The following PATJ variants were observed in gnomAD, a reference collection of about 807,000 sequenced individuals.
The protein encoded by PATJ is inaD-like protein.
Under a neutral mutation model 224.9 loss-of-function variants are expected in PATJ, and 190 were observed. That is an observed-to-expected ratio of 0.84 (90% confidence interval 0.75 to 0.95). The LOEUF is 0.95. Among genes scored for constraint, PATJ ranks in the 40% least tolerant of loss-of-function variants. The probability of loss-of-function intolerance (pLI) is 0.00; values close to 1 mark genes in which losing one functional copy is unlikely to be tolerated. For synonymous variants in PATJ, 769 were observed against 820.3 expected (o/e 0.94, Z 1.07); for missense variants, 2,121 against 2,270.3 (o/e 0.93, Z 1.34).
intron 15 of PATJ, among the ~76,000 whole-genome samples, chr1:61,824,532 C>A (rs1451941759): frequency 2.7e-5 from 4 of 150,136 alleles, no homozygotes; most frequent in African/African-American, 9.8e-5. Context: ...CTCAAGCAAT[C>A]TTCCCACCTC....
chr1:61,792,296 G>A (rs1264073805), intron 9 of PATJ, among the ~76,000 whole-genome samples: 2 of 152,060 alleles, frequency 1.3e-5, no homozygotes, highest in Non-Finnish European at 2.9e-5. Context: ...TTTAGGTTCA[G>A]AATTTAATGA....
At chr1:61,753,513 C>A (rs1486113317) in intron 1 of PATJ, among the ~76,000 whole-genome samples, 1 of 62,966 alleles carries the variant, frequency 1.6e-5, no homozygotes, top group Non-Finnish European at 3.0e-5. Context: ...GATTCTATTA[C>A]ATATTTTTTT....
intron 28 of PATJ, among the ~76,000 whole-genome samples, chr1:62,002,974 A>G (rs1313418937): frequency 6.6e-6 from 1 of 152,184 alleles, no homozygotes; most frequent in East Asian, 1.9e-4. Context: ...CTGGTAGCAT[A>G]TATCAATGTT....
intron 18 of PATJ, among the ~76,000 whole-genome samples, chr1:61,857,620 A>G (rs1026383411): frequency 6.6e-6 from 1 of 152,250 alleles, no homozygotes; most frequent in African/African-American, 2.4e-5. Context: ...GCTATGAGTT[A>G]GCCCAGTAGG....
chr1:61,950,161 G>A (rs1280688799), intron 27 of PATJ, among the ~76,000 whole-genome samples: 2 of 151,076 alleles, frequency 1.3e-5, no homozygotes, highest in Admixed American at 1.3e-4. Flanking sequence ...CCGAGATCAC[G>A]CTGCTGCACT....
rs1326499132 is a variant in PATJ at position 61,874,188 on chromosome 1, A to G, written c.2836-1055A>G. Among the ~76,000 whole-genome samples the G allele has an allele frequency of 4.2e-4, 26 of 61,492 alleles. No homozygotes were observed. In the South Asian group the frequency reaches 8.2e-3, roughly 19 times the overall value. 40.3% of individuals were successfully genotyped at this position (61,492 alleles called of 152,430 possible). ...TTGGGCCTATTTTATTTATTTATTT[A>G]TTTATTTATTTATTTATTTATTTAT... On this transcript the variant is annotated intron_variant, in intron 20 of 43. Coordinates refer to ENST00000642238, the MANE Select transcript of PATJ (RefSeq NM_001350145.3).
chr1:61,993,725 G>C (rs566277664), intron 28 of PATJ, among the ~76,000 whole-genome samples: 1 of 152,148 alleles, frequency 6.6e-6, no homozygotes, highest in Non-Finnish European at 1.5e-5. Flanking sequence ...CTCTGTGCCA[G>C]AAACTGCAAG....
intron 22 of PATJ, among the ~76,000 whole-genome samples, chr1:61,897,262 A>G (rs1670506481): frequency 6.6e-6 from 1 of 152,212 alleles, no homozygotes; most frequent in Admixed American, 6.5e-5. Context: ...TGCAAAGAAC[A>G]AGCAAGTGAT....
At chr1:61,806,406 T>G (rs939523962) in intron 13 of PATJ, among the ~76,000 whole-genome samples, 1 of 151,640 alleles carries the variant, frequency 6.6e-6, no homozygotes, top group Non-Finnish European at 1.5e-5. Flanking sequence ...GATCACGAGG[T>G]CAGGAGATCG....
At chr1:61,804,699 A>G (rs1653173472) in intron 12 of PATJ, among the ~76,000 whole-genome samples, 2 of 152,212 alleles carry the variant, frequency 1.3e-5, no homozygotes, top group Non-Finnish European at 2.9e-5. Flanking sequence ...CATTATTCAT[A>G]CTATGCACCG....
At chr1:61,778,476 A>G (rs1411899898) in intron 7 of PATJ, among the ~76,000 whole-genome samples, 1 of 152,184 alleles carries the variant, frequency 6.6e-6, no homozygotes, top group Non-Finnish European at 1.5e-5. Flanking sequence ...AGAAACCACC[A>G]CTTGCCAAGT....
chr1:61,801,772 A>G lies in PATJ; in HGVS notation c.1549+3A>G, dbSNP rs1308626795. ...CATACAAGCCTTAGAAAAATTGGGT[A>G]GGCACAAAGCATTCACTTTGCGATA... On this transcript the variant is annotated splice_donor_region_variant and intron_variant, in intron 12 of 43. Transcript: ENST00000642238. The G allele has an allele frequency of 1.3e-6, 2 of 1,568,408 alleles. No individual in the cohort carries two copies. Among genetic ancestry groups the G allele is most frequent in the Non-Finnish European group, 1.7e-6 (2 of 1,155,384 alleles).
chr1:61,905,892 T>A (rs1322943758), intron 24 of PATJ, among the ~76,000 whole-genome samples: 1 of 152,188 alleles, frequency 6.6e-6, no homozygotes. Context: ...GGAGATAGTA[T>A]CAGATCCCCA....
At chr1:62,024,688 AC>A (rs1452109655) in intron 29 of PATJ, among the ~76,000 whole-genome samples, 3 of 143,434 alleles carry the variant, frequency 2.1e-5, no homozygotes, top group African/African-American at 5.6e-5. Context: ...ACACACACAC[AC>A]ACACACACAC....
At chr1:62,064,610 A>G (rs1656086630) in intron 31 of PATJ, among the ~76,000 whole-genome samples, 1 of 152,170 alleles carries the variant, frequency 6.6e-6, no homozygotes, top group African/African-American at 2.4e-5. Context: ...GGGTGGCATG[A>G]GCCACCGCGC....
intron 12 of PATJ, among the ~76,000 whole-genome samples, chr1:61,802,995 C>G (rs146137210): frequency 2.2e-4 from 34 of 152,204 alleles, no homozygotes; most frequent in South Asian, 1.0e-3. Context: ...GGAAATTTAC[C>G]TTGTTCTTTT....
intron 27 of PATJ, among the ~76,000 whole-genome samples, chr1:61,983,778 A>G (rs1400025114): frequency 6.6e-6 from 1 of 152,018 alleles, no homozygotes; most frequent in Non-Finnish European, 1.5e-5. Context: ...AGGGAAGTCG[A>G]AGGAAATAAG....
Position 62,084,529 on chromosome 1 carries a change from CCT to C in PATJ, c.4261_4262del (p.Leu1421ValfsTer45). 6.2e-7 allele frequency: 1 copy of C among 1,609,806 alleles called. No individual in the cohort carries two copies. The highest frequency in any genetic ancestry group is 8.5e-7 in the Non-Finnish European group (1 of 1,178,722). On this transcript the variant is annotated frameshift_variant, in exon 33 of 44. Coordinates refer to ENST00000642238, the MANE Select transcript of PATJ (RefSeq NM_001350145.3). LOFTEE classifies it high-confidence loss of function. ...TTCTTTTCCAGGTGGTTTCCAGGCT[CCT>C]CTGTCAGTGGACCCCGCAACGTGTC... ...DFTGYGGFQAPLSVDPATCPI... is the reference protein window; with the variant it reads ...DFTGYGGFQAXLSVDPATCPI...
At chr1:61,967,713 G>C (rs1682375694) in intron 27 of PATJ, among the ~76,000 whole-genome samples, 1 of 152,184 alleles carries the variant, frequency 6.6e-6, no homozygotes, top group Admixed American at 6.5e-5. Context: ...TTTGTTATTA[G>C]AAATTTGGGT....
Sources: allele counts gnomAD v4.1 joint callset (sites outside exome capture counted in the v4.1 genomes callset), GRCh38; gene constraint gnomAD v4.1.1; transcripts MANE v1.5; gene names NCBI Gene and HGNC (gene_info 2026-07-23, HGNC 2026-07-21).